SYNE1: variants seen among roughly 807,000 people sequenced by gnomAD.
The protein encoded by SYNE1 is spectrin repeat containing nuclear envelope protein 1.
Under a neutral mutation model 1,111.0 loss-of-function variants are expected in SYNE1, and 616 were observed. The observed-to-expected ratio is 0.55, with a 90% confidence interval of 0.52 to 0.59. The LOEUF (loss-of-function observed/expected upper bound fraction) is 0.59, where lower values mean the gene tolerates loss of function less well. SYNE1 is among the 20% of genes least tolerant of loss of function. The pLI, the probability that SYNE1 is intolerant of heterozygous loss-of-function variation, is 0.00. For missense variants in SYNE1, 10,006 were observed against 10,417.0 expected (o/e 0.96, Z 1.72); for synonymous variants, 3,855 against 3,825.8 (o/e 1.01, Z -0.28).
intron 18 of SYNE1, 42 bp from the exon 19 acceptor site, chr6:152,463,559 A>G (rs773103879): frequency 1.3e-6 from 2 of 1,516,828 alleles, no homozygotes; most frequent in Admixed American, 3.5e-5. Flanking sequence ...CCATAAACCA[A>G]ATATCAGTGA....
At chr6:152,552,356 A>G (rs1376548382) in intron 3 of SYNE1, among the ~76,000 whole-genome samples, 2 of 151,852 alleles carry the variant, frequency 1.3e-5, no homozygotes, top group African/African-American at 4.8e-5. Flanking sequence ...TGCATTTCAA[A>G]TTACTGCTAA....
chr6:152,593,272 A>G (rs1380507788), intron 3 of SYNE1, among the ~76,000 whole-genome samples: 3 of 152,206 alleles, frequency 2.0e-5, no homozygotes, highest in African/African-American at 7.2e-5. Context: ...ATTATACTAC[A>G]ATGAAATGTG....
At chr6:152,398,810 C>T in intron 48 of SYNE1, 79 bp from the exon 49 acceptor site, 4 of 1,062,232 alleles carry the variant, frequency 3.8e-6, no homozygotes, top group Non-Finnish European at 5.6e-6. Flanking sequence ...CCCAGGATTA[C>T]CACATGAATT....
At chr6:152,284,239 C>G in intron 95 of SYNE1, 67 bp from the exon 96 acceptor site, 1 of 1,509,630 alleles carries the variant, frequency 6.6e-7, no homozygotes, top group Middle Eastern at 1.7e-4. Flanking sequence ...TTAGCACTAG[C>G]TGAGTCTCAC....
At chr6:152,219,258 G>GCTA (rs2079503101) in intron 119 of SYNE1, 73 bp from the exon 120 acceptor site, 1 of 1,390,650 alleles carries the variant, frequency 7.2e-7, no homozygotes, top group East Asian at 2.3e-5. Context: ...TCGGCAAAGG[G>GCTA]CTACACATGT....
intron 39 of SYNE1, among the ~76,000 whole-genome samples, chr6:152,422,437 C>T (rs2098278580): frequency 6.6e-6 from 1 of 152,094 alleles, no homozygotes; most frequent in Admixed American, 6.6e-5. Context: ...TTTCAGTTTG[C>T]TTTTTTTCTG....
chr6:152,319,848 AAACAAAC>A, intron 84 of SYNE1: 1 of 141,636 alleles, frequency 7.1e-6, no homozygotes, highest in East Asian at 2.7e-4. Context: ...TTAACTAAAA[AAACAAAC>A]AAACAAACAA....
intron 12 of SYNE1, among the ~76,000 whole-genome samples, chr6:152,485,773 A>C (rs1445146883): frequency 6.6e-6 from 1 of 152,238 alleles, no homozygotes; most frequent in Non-Finnish European, 1.5e-5. Flanking sequence ...CAGATAACAC[A>C]ACTAAAAGAA....
intron 95 of SYNE1, among the ~76,000 whole-genome samples, chr6:152,284,805 A>T (rs1231436639): frequency 6.6e-6 from 1 of 151,636 alleles, no homozygotes; most frequent in African/African-American, 2.4e-5. Context: ...TTCTTCCTCA[A>T]CATGATTTTC....
intron 4 of SYNE1, among the ~76,000 whole-genome samples, chr6:152,538,235 A>G (rs2695259): frequency 0.22 from 33,528 of 152,134 alleles, 3,808 homozygotes; most frequent in Middle Eastern, 0.32. Flanking sequence ...AAGTGTTCAA[A>G]CAACGTATAC....
intron 4 of SYNE1, among the ~76,000 whole-genome samples, chr6:152,527,181 T>G (rs947433485): frequency 2.6e-5 from 4 of 152,234 alleles, no homozygotes; most frequent in Non-Finnish European, 5.9e-5. Context: ...ATGTGTTCTA[T>G]GTAAGAGATT....
At chr6:152,374,647 G>A (rs901401915) in intron 58 of SYNE1, among the ~76,000 whole-genome samples, 1 of 152,262 alleles carries the variant, frequency 6.6e-6, no homozygotes, top group East Asian at 1.9e-4. Context: ...GTTGACGCAT[G>A]TCTGTAATCC....
At chr6:152,492,967 T>C (rs1274308605) in intron 11 of SYNE1, among the ~76,000 whole-genome samples, 1 of 152,108 alleles carries the variant, frequency 6.6e-6, no homozygotes, top group Non-Finnish European at 1.5e-5. Flanking sequence ...GTTCCCTTAT[T>C]AGATCAAGAC....
intron 128 of SYNE1, among the ~76,000 whole-genome samples, chr6:152,185,101 C>A (rs867403505): frequency 6.6e-6 from 1 of 152,056 alleles, no homozygotes; most frequent in Admixed American, 6.6e-5. Flanking sequence ...CGAGCAATTA[C>A]GATGATGACA....
At position 152,428,374 on chromosome 6, in the gene SYNE1, C is replaced by T; in HGVS notation, c.4807G>A (p.Glu1603Lys). The T allele has an allele frequency of 6.2e-7, 1 of 1,613,784 alleles. No homozygotes were observed. The highest frequency in any genetic ancestry group is 2.2e-5 in the East Asian group (1 of 44,874). The change falls in exon 37 of 146, where the codon GAG becomes AAG. Residue 1603 changes from glutamate (E) to lysine (K), a missense_variant. Physicochemically the swap from Glu to Lys is moderately conservative, Grantham distance 56. This residue lies in a region of SYNE1 where 1,971 missense variants were observed against 2,084.1 expected (regional missense o/e 0.95). Coordinates refer to ENST00000367255, the MANE Select transcript of SYNE1 (RefSeq NM_182961.4). ...GCAGTGATCGCGCTGCTCAGTGACTCCAGGGCCTGGCAGAGATCCTAAGAA... is the reference window on the plus strand; with the variant it reads ...GCAGTGATCGCGCTGCTCAGTGACTTCAGGGCCTGGCAGAGATCCTAAGAA... ...QEHMDLCQAL[E>K]SLSSAITAFS...
intron 54 of SYNE1, among the ~76,000 whole-genome samples, chr6:152,386,093 G>A (rs1313053954): frequency 2.0e-5 from 3 of 152,058 alleles, no homozygotes; most frequent in Non-Finnish European, 4.4e-5. Flanking sequence ...AATTCATGTT[G>A]GCTAACATCC....
chr6:152,524,289 A>G (rs553278706), intron 5 of SYNE1, among the ~76,000 whole-genome samples: 1 of 152,190 alleles, frequency 6.6e-6, no homozygotes, highest in African/African-American at 2.4e-5. Context: ...TGCTTTTTCT[A>G]CACTTATTGA....
chr6:152,422,701 G>A (rs2098285109), intron 39 of SYNE1, among the ~76,000 whole-genome samples: 1 of 152,030 alleles, frequency 6.6e-6, no homozygotes, highest in South Asian at 2.1e-4. Flanking sequence ...TAAAGATGGG[G>A]TCTTGCTATG....
chr6:152,332,989 T>A (rs1563143278), intron 77 of SYNE1, among the ~76,000 whole-genome samples: 1 of 151,946 alleles, frequency 6.6e-6, no homozygotes, highest in African/African-American at 2.4e-5. Flanking sequence ...CAAAGACGAG[T>A]AAATGTTAAG....
Sources: gnomAD v4.1 joint callset for allele counts (sites outside exome capture counted in the v4.1 genomes callset) on GRCh38, gnomAD v4.1.1 for gene constraint, gnomAD v4.1.1 regional missense constraint, MANE v1.5 for transcripts, NCBI Gene and HGNC (gene_info 2026-07-23, HGNC 2026-07-21) for gene names.